The following TEAD4 variants were observed in gnomAD, a reference collection of about 807,000 sequenced individuals.
The protein encoded by TEAD4 is transcriptional enhancer factor TEF-3.
Under a neutral mutation model 52.4 loss-of-function variants are expected in TEAD4, and 36 were observed. The observed-to-expected ratio is 0.69, with a 90% CI of 0.53 to 0.91. The LOEUF (loss-of-function observed/expected upper bound fraction) is 0.91, where lower values mean the gene tolerates loss of function less well. TEAD4 is among the 40% of genes least tolerant of loss of function. TEAD4 has a pLI of 0.00. For synonymous variants in TEAD4, 220 were observed against 231.0 expected (o/e 0.95, Z 0.43); for missense variants, 508 against 583.9 (o/e 0.87, Z 1.34).
chr12:3,015,300 ACT>A (rs1364019925), intron 5 of TEAD4, among the ~76,000 whole-genome samples: 2 of 151,230 alleles, frequency 1.3e-5, no homozygotes, highest in African/African-American at 4.9e-5. Context: ...CACCATCACC[ACT>A]CTCAGCACCC....
chr12:3,027,638 G>A (rs1054509668), intron 10 of TEAD4, among the ~76,000 whole-genome samples: 2 of 152,162 alleles, frequency 1.3e-5, no homozygotes, highest in East Asian at 3.9e-4. Context: ...AGGACGAGGC[G>A]GGTGGATTGC....
chr12:3,029,404 A>T (rs1180365285), intron 10 of TEAD4, among the ~76,000 whole-genome samples: 2 of 151,668 alleles, frequency 1.3e-5, no homozygotes, highest in African/African-American at 4.8e-5. Flanking sequence ...CGCCCAGCTA[A>T]TTTTTTTGTA....
intron 8 of TEAD4, 24 bp from the exon 9 acceptor site, chr12:3,020,610 A>G (rs747451976): frequency 6.6e-6 from 10 of 1,512,540 alleles, no homozygotes; most frequent in Non-Finnish European, 8.9e-6. Flanking sequence ...ACCAGGTTCC[A>G]TGTGCCTTTC....
intron 10 of TEAD4, among the ~76,000 whole-genome samples, chr12:3,031,847 C>T (rs555538240): frequency 8.5e-5 from 13 of 152,326 alleles, no homozygotes; most frequent in African/African-American, 2.9e-4. Context: ...AGCCTGACCC[C>T]AGGGTGTGTG....
At position 2,987,657 on chromosome 12, in the gene TEAD4, C is replaced by T. The variant is rs1016548862; in HGVS notation, c.-29-7081C>T. On this transcript the variant is annotated intron_variant, in intron 2 of 12. Transcript: ENST00000359864. ...CACCGTGGTCTCGATCTCCTGACCT[C>T]GTGATCCGCCCGCCTCGGCCTCCCA... Among the ~76,000 whole-genome samples, 8 of 151,272 alleles carry T rather than the reference C, an allele frequency of 5.3e-5. No homozygotes were observed. In the East Asian group the frequency reaches 5.9e-4, roughly 11 times the overall value.
rs1331466321 is a variant in TEAD4 at position 3,011,047 on chromosome 12, G to A, written c.270G>A (p.Gly90=). Residue 90 remains glycine, a synonymous_variant, in exon 4 of 13, where the codon GGG becomes GGA. Transcript: ENST00000359864. ...CCCGCTACATCAAGCTCCGGACAGG[G>A]AAGACCCGCACCAGGAAGCAGGTGG... 2 of 1,614,006 alleles carry A rather than the reference G, an allele frequency of 1.2e-6. No individual in the cohort carries two copies. The highest frequency in any genetic ancestry group is 1.7e-6 in the Non-Finnish European group (2 of 1,180,010).
rs999118233 is a variant in TEAD4 at position 2,995,069 on chromosome 12, C to T, written c.226+77C>T. 1.7e-5 allele frequency: 26 copies of T among 1,529,452 alleles called. No homozygotes were observed. In the East Asian group the frequency reaches 1.8e-4, roughly 11 times the overall value. 94.7% of individuals were successfully genotyped at this position (1,529,452 alleles called of 1,614,324 possible). ...GACACCAGAACCTTGGGGTTCCTGC[C>T]GGGCCACAGAAGGGGATGACCACTT... On this transcript the variant is annotated intron_variant, in intron 3 of 12. Coordinates refer to ENST00000359864, the MANE Select transcript of TEAD4 (RefSeq NM_003213.4).
chr12:2,988,773 G>C (rs2098240747), intron 2 of TEAD4, among the ~76,000 whole-genome samples: 1 of 152,100 alleles, frequency 6.6e-6, no homozygotes, highest in African/African-American at 2.4e-5. Flanking sequence ...AGTGGCCAAT[G>C]GTTTAATCAG....
chr12:3,035,924 A>G (rs1239315189), intron 10 of TEAD4, among the ~76,000 whole-genome samples: 2 of 151,684 alleles, frequency 1.3e-5, no homozygotes, highest in Admixed American at 6.6e-5. Context: ...TCGGCCAGTC[A>G]CAGCCACAGT....
intron 10 of TEAD4, among the ~76,000 whole-genome samples, chr12:3,028,159 C>T (rs567305453): frequency 1.3e-4 from 20 of 152,186 alleles, no homozygotes; most frequent in African/African-American, 4.8e-4. Context: ...GTAGCACGTA[C>T]GTTCCTTTTT....
chr12:2,962,327 A>AT (rs2098216283), intron 2 of TEAD4, among the ~76,000 whole-genome samples: 2 of 112,750 alleles, frequency 1.8e-5, no homozygotes, highest in East Asian at 2.6e-4. Context: ...TATATATATA[A>AT]ATATAAATAT....
At chr12:2,992,652 G>A (rs1365830813) in intron 2 of TEAD4, among the ~76,000 whole-genome samples, 1 of 152,156 alleles carries the variant, frequency 6.6e-6, no homozygotes, top group Non-Finnish European at 1.5e-5. Flanking sequence ...CTGCTGGACT[G>A]CATTGCTCCT....
At chr12:3,020,797 C>T (rs749438249) in intron 9 of TEAD4, 24 bp downstream of exon 9, 1 of 1,540,560 alleles carries the variant, frequency 6.5e-7, no homozygotes, top group South Asian at 1.2e-5. Flanking sequence ...TCTGCCTGTC[C>T]AGCTCCCTGG....
chr12:2,984,594 T>C (rs745577178), intron 2 of TEAD4, among the ~76,000 whole-genome samples: 1 of 152,166 alleles, frequency 6.6e-6, no homozygotes, highest in African/African-American at 2.4e-5. Context: ...GCAACCATAA[T>C]AGAGGGTCCT....
chr12:2,969,485 C>T (rs1425475210), intron 2 of TEAD4, among the ~76,000 whole-genome samples: 2 of 152,170 alleles, frequency 1.3e-5, no homozygotes, highest in African/African-American at 4.8e-5. Flanking sequence ...ACTAGGGATG[C>T]TTTGGAGGAG....
intron 5 of TEAD4, 45 bp downstream of exon 5, chr12:3,012,277 G>A (rs1187700380): frequency 1.3e-6 from 2 of 1,597,230 alleles, no homozygotes; most frequent in Non-Finnish European, 1.7e-6. Flanking sequence ...AGGAGTGGTG[G>A]CCAGCAGCAT....
chr12:2,997,051 G>T (rs2098247827), intron 3 of TEAD4, among the ~76,000 whole-genome samples: 1 of 152,188 alleles, frequency 6.6e-6, no homozygotes, highest in South Asian at 2.1e-4. Flanking sequence ...TGGAGGGTAG[G>T]TAGTCCAGGG....
chr12:3,040,401 T>G lies in TEAD4; in HGVS notation c.1228T>G (p.Cys410Gly). The G allele has an allele frequency of 6.2e-7, 1 of 1,614,130 alleles. No homozygotes were observed. ...CAGAGACACACAGGAGACCTTGCTG[T>G]GCATTGCCTATGTCTTTGAGGTGTC... The change falls in exon 13 of 13, where the codon TGC (cysteine) becomes GGC (glycine). Residue 410 changes from cysteine to glycine, a missense_variant. By Grantham distance (159) the Cys-to-Gly change is radical. Coordinates refer to ENST00000359864, the MANE Select transcript of TEAD4 (RefSeq NM_003213.4).
At chr12:2,966,470 G>A (rs1051463083) in intron 2 of TEAD4, among the ~76,000 whole-genome samples, 4 of 151,308 alleles carry the variant, frequency 2.6e-5, no homozygotes, top group Non-Finnish European at 4.4e-5. Flanking sequence ...GAGTGCAGTG[G>A]CGTGATCTTG....
Sources: allele counts gnomAD v4.1 joint callset (sites outside exome capture counted in the v4.1 genomes callset), GRCh38; gene constraint gnomAD v4.1.1; transcripts MANE v1.5; gene names NCBI Gene and HGNC (gene_info 2026-07-23, HGNC 2026-07-21).